EMC3: variants seen among roughly 807,000 people sequenced by gnomAD.
The protein encoded by EMC3 is ER membrane protein complex subunit 3.
Under a neutral mutation model 36.6 loss-of-function variants are expected in EMC3, and 13 were observed. The observed-to-expected ratio is 0.35, with a 90% CI of 0.23 to 0.56. The LOEUF (loss-of-function observed/expected upper bound fraction) is 0.56. Among genes scored for constraint, EMC3 ranks in the 20% least tolerant of loss-of-function variants. EMC3 has a pLI of 0.84. For synonymous variants in EMC3, 120 were observed against 111.9 expected (o/e 1.07, Z -0.46); for missense variants, 220 against 324.5 (o/e 0.68, Z 2.47).
chr3:9,987,197 GA>G (rs1407882040), upstream of EMC3: 1 of 949,194 alleles, frequency 1.1e-6, no homozygotes, highest in African/African-American at 1.9e-5. Context: ...CTGGGCGACA[GA>G]GGAAGACTCC....
rs2124927732 is a variant in EMC3, at chr3:9,992,789, G to A, written c.-241-5887C>T. 3.5e-6 allele frequency: 3 copies of A among 869,168 alleles called. No individual in the cohort carries two copies. The South Asian group carries it at 4.7e-5, about 14-fold the overall frequency. The allele number at this position is 869,168 out of a possible 1,614,324, so 53.8% of individuals were successfully genotyped here. ...GGAACAAATGAGCATCATCCATTGT[G>A]TGTTTTAATTAGAGGAAAAGCTGCT... is the stretch of plus-strand genomic sequence containing the variant. On this transcript the variant is annotated intron_variant, in intron 1 of 8. Coordinates refer to the EMC3 transcript ENST00000470827.
intron 1 of EMC3, chr3:10,003,275 T>C (rs983368872): frequency 2.2e-6 from 1 of 453,604 alleles, no homozygotes; most frequent in Non-Finnish European, 4.4e-6. Context: ...ACTTCAGCCT[T>C]GCCAATAAGG....
In EMC3 at chr3:9,973,634, G is replaced by A. The variant is rs1324484682; in HGVS notation, c.488C>T (p.Ala163Val). 3.7e-6 allele frequency: 6 copies of A among 1,613,814 alleles called. No homozygotes were observed. The highest frequency in any genetic ancestry group is 5.1e-6 in the Non-Finnish European group (6 of 1,179,720). Residue 163 changes from alanine to valine, a missense_variant, in exon 5 of 8, where the codon GCA (alanine) becomes GTA (valine). By Grantham distance (64) the Ala-to-Val change is moderately conservative. Transcript: ENST00000245046. ...AACAAAAGAAAGTTCTTACCAGGAT[G>A]CATCTAATGTGAGTAGCTCGATTCC... ...QQGIELLTLD[A>V]SWVSSASWYF...
At chr3:9,999,664 C>G (rs1221744313) in intron 1 of EMC3, among the ~76,000 whole-genome samples, 1 of 152,182 alleles carries the variant, frequency 6.6e-6, no homozygotes, top group African/African-American at 2.4e-5. Flanking sequence ...GCACCATTCC[C>G]AATCACAAAT....
Position 9,995,324 on chromosome 3 carries a change from A to G in EMC3, c.-241-8422T>C, listed in dbSNP as rs541882286. ...ACTGATCTTGTACAACCTCAACCTAAAGGGTAAAATTTAACCCATATGGGA... is the reference window on the plus strand; with the variant it reads ...ACTGATCTTGTACAACCTCAACCTAGAGGGTAAAATTTAACCCATATGGGA... On this transcript the variant is annotated intron_variant, in intron 1 of 8. Transcript: ENST00000470827. 3.3e-5 allele frequency among the ~76,000 whole-genome samples: 5 copies of G among 152,116 alleles called. No individual in the cohort carries two copies. The East Asian group carries it at 9.7e-4, about 29-fold the overall frequency.
intron 1 of EMC3, among the ~76,000 whole-genome samples, chr3:9,985,824 G>A (rs1054833979): frequency 6.6e-5 from 10 of 152,162 alleles, no homozygotes; most frequent in East Asian, 5.8e-4. Context: ...AACCCGGGAG[G>A]CGTAGACTGC....
At chr3:9,988,650 A>G, upstream of EMC3, 2 of 1,025,832 alleles carry the variant, frequency 1.9e-6, no homozygotes, top group East Asian at 2.4e-5. Flanking sequence ...GGCATGCTGA[A>G]TAAGGTGTAA....
intron 1 of EMC3, among the ~76,000 whole-genome samples, chr3:9,984,859 G>A (rs966900722): frequency 1.4e-4 from 21 of 152,198 alleles, no homozygotes; most frequent in African/African-American, 1.9e-4. Flanking sequence ...ACGCTGTAAC[G>A]CACCTGGCAC....
At position 9,962,852 on chromosome 3, in the gene EMC3, A is replaced by G. The variant is rs1189671444; in HGVS notation, c.*1217T>C. ...GGGCACCCTTATCTGTGTGTCTACC[A>G]ACAACTGCCGTCTCTCCCTTCTTAC... On this transcript the variant is annotated 3_prime_UTR_variant, in exon 8 of 8. Transcript: ENST00000245046. 3.3e-5 allele frequency: 5 copies of G among 152,232 alleles called. No individual in the cohort carries two copies. The highest frequency in any genetic ancestry group is 1.2e-4 in the African/African-American group (5 of 41,446). 9.4% of individuals were successfully genotyped at this position (152,232 alleles called of 1,614,324 possible). A position where few individuals can be genotyped will look rare whatever the true frequency, so the allele number is the denominator to read the frequency against.
rs56879267 is a variant in EMC3, at chr3:9,975,815, GAAAAAAAA to G, written c.307+1134_307+1141del. ...TGAGAGAGCGAGACTCCTTTCTGAA[GAAAAAAAA>G]AAAAAAAAAAAAAGATATCTTGTTT... On this transcript the variant is annotated intron_variant, in intron 3 of 7. Coordinates refer to ENST00000245046, the MANE Select transcript of EMC3 (RefSeq NM_001394674.1). Among the ~76,000 whole-genome samples, 178 of 88,098 alleles carry G rather than the reference GAAAAAAAA, an allele frequency of 2.0e-3. 2 individuals carry two copies. The East Asian group carries it at 0.033, about 16-fold the overall frequency. The allele number at this position is 88,098 out of a possible 152,430, so 57.8% of individuals were successfully genotyped here.
At chr3:9,981,800 T>A (rs2085914462) in intron 1 of EMC3, 1 of 417,640 alleles carries the variant, frequency 2.4e-6, no homozygotes, top group Admixed American at 3.0e-5. Context: ...TCCAAATTCT[T>A]AAGAATCAGT....
chr3:9,965,104 T>TA (rs56791107), intron 7 of EMC3, among the ~76,000 whole-genome samples: 4,989 of 106,942 alleles, frequency 0.047, 260 homozygotes, highest in African/African-American at 0.15. Flanking sequence ...AAAAATAAAT[T>TA]AAAAAAAAAA....
At chr3:9,990,474 A>G (rs1232274662), upstream of EMC3, among the ~76,000 whole-genome samples, 1 of 151,880 alleles carries the variant, frequency 6.6e-6, no homozygotes, top group African/African-American at 2.4e-5. Flanking sequence ...AGCTGGGACT[A>G]CAGGCAAGCA....
At chr3:9,994,103 C>G (rs2086092559) in intron 1 of EMC3, 3 of 1,133,568 alleles carry the variant, frequency 2.6e-6, no homozygotes, top group Non-Finnish European at 3.8e-6. Context: ...GAAGTCTGAT[C>G]TGACATTCCA....
upstream of EMC3, chr3:9,987,880 C>T (rs1394583382): frequency 1.2e-6 from 1 of 805,484 alleles, no homozygotes; most frequent in Non-Finnish European, 2.2e-6. Context: ...GAGCAGAACA[C>T]CATAGCTAAT....
chr3:9,976,901 C>G lies in EMC3; in HGVS notation c.307+56G>C. ...CACCCTCCCTGCCTACCCCACCCCA[C>G]TCAAATACCCATGTTAAAAATCTTC... On this transcript the variant is annotated intron_variant, in intron 3 of 7. Transcript: ENST00000245046. The G allele has an allele frequency of 4.5e-6, 6 of 1,331,296 alleles. No homozygotes were observed. In the East Asian group the frequency reaches 1.2e-4, roughly 26 times the overall value. The allele number at this position is 1,331,296 out of a possible 1,614,324, so 82.5% of individuals were successfully genotyped here.
intron 1 of EMC3, among the ~76,000 whole-genome samples, chr3:9,996,191 C>T (rs1273285392): frequency 2.6e-5 from 4 of 152,172 alleles, no homozygotes; most frequent in Admixed American, 2.0e-4. Context: ...AGGCTGTAAT[C>T]CCAGCACTTT....
At chr3:9,990,029 T>C (rs75974954), upstream of EMC3, among the ~76,000 whole-genome samples, 1 of 147,706 alleles carries the variant, frequency 6.8e-6, no homozygotes, top group Non-Finnish European at 1.5e-5. Context: ...GTGTTTTCTC[T>C]TTTTTTTTTG....
At chr3:9,979,380 T>C (rs772550281) in intron 1 of EMC3, among the ~76,000 whole-genome samples, 11 of 152,224 alleles carry the variant, frequency 7.2e-5, no homozygotes, top group Non-Finnish European at 1.5e-4. Context: ...TCCTTCACCA[T>C]TGACAGTATA....
Sources: gnomAD v4.1 joint callset for allele counts (sites outside exome capture counted in the v4.1 genomes callset) on GRCh38, gnomAD v4.1.1 for gene constraint, MANE v1.5 for transcripts, NCBI Gene and HGNC (gene_info 2026-07-23, HGNC 2026-07-21) for gene names.